APP: variants seen among roughly 807,000 people sequenced by gnomAD.
APP encodes the protein amyloid beta precursor protein, also known as amyloid-beta precursor protein.
Under a neutral mutation model 101.4 loss-of-function variants are expected in APP, and 31 were observed. The observed-to-expected ratio is 0.31, with a 90% CI of 0.23 to 0.41. APP has a LOEUF of 0.41. Among genes scored for constraint, APP ranks in the 10% least tolerant of loss-of-function variants. The pLI, the probability that APP is intolerant of heterozygous loss-of-function variation, is 1.00. For missense variants in APP, 839 were observed against 1,003.7 expected, an observed-to-expected ratio of 0.84 and a Z score of 2.22; for synonymous variants, 366 against 364.4, an observed-to-expected ratio of 1.00 and a Z score of -0.05.
chr21:25,891,659 G>C (rs1466224374), intron 17 of APP, 63 bp downstream of exon 17: 1 of 1,539,684 alleles, frequency 6.5e-7, no homozygotes, highest in African/African-American at 1.4e-5. Context: ...TTAGCAAAAA[G>C]CTAAGCCTAA....
intron 13 of APP, among the ~76,000 whole-genome samples, chr21:25,949,849 T>G (rs2040986887): frequency 6.6e-6 from 1 of 152,204 alleles, no homozygotes; most frequent in South Asian, 2.1e-4. Context: ...ACACAGATTT[T>G]GGACTTCTGG....
At chr21:26,127,962 A>C (rs1235775419) in intron 1 of APP, among the ~76,000 whole-genome samples, 4 of 152,230 alleles carry the variant, frequency 2.6e-5, no homozygotes, top group African/African-American at 9.6e-5. Flanking sequence ...ATCTCCTGCG[A>C]GCTATCCCTA....
intron 17 of APP, among the ~76,000 whole-genome samples, chr21:25,888,169 G>C (rs2037463257): frequency 6.6e-6 from 1 of 152,158 alleles, no homozygotes; most frequent in Admixed American, 6.5e-5. Context: ...TACTGAAGTA[G>C]GGTTACTGAT....
chr21:25,898,046 T>C (rs1240739661), intron 15 of APP: 2 of 259,818 alleles, frequency 7.7e-6, no homozygotes, highest in Non-Finnish European at 1.5e-5. Context: ...TGTGTCTTTT[T>C]CCATGTGCAC....
chr21:26,125,881 T>C (rs1220696360), intron 1 of APP, among the ~76,000 whole-genome samples: 2 of 152,238 alleles, frequency 1.3e-5, no homozygotes, highest in Non-Finnish European at 2.9e-5. Context: ...CAGAGCTGCC[T>C]ATGTGACCTG....
chr21:25,958,091 T>G (rs2041404159), intron 11 of APP, among the ~76,000 whole-genome samples: 1 of 152,196 alleles, frequency 6.6e-6, no homozygotes, highest in African/African-American at 2.4e-5. Flanking sequence ...TAAGATATTT[T>G]GTCCTAAAAG....
chr21:25,946,537 G>A (rs929584209), intron 13 of APP, among the ~76,000 whole-genome samples: 7 of 152,108 alleles, frequency 4.6e-5, no homozygotes, highest in Admixed American at 3.9e-4. Flanking sequence ...GTGGTGGCAT[G>A]TGCCTGTAAT....
At chr21:26,093,042 AT>A (rs1428034275) in intron 2 of APP, among the ~76,000 whole-genome samples, 2 of 152,198 alleles carry the variant, frequency 1.3e-5, no homozygotes, top group East Asian at 3.9e-4. Flanking sequence ...GGATCCTGCT[AT>A]TAATACTTCT....
chr21:26,170,832 C>A, upstream of APP: 1 of 507,750 alleles, frequency 2.0e-6, no homozygotes, highest in African/African-American at 2.0e-5. Flanking sequence ...GCCCACCCCG[C>A]TCGGCACCCG....
At chr21:26,041,391 A>G (rs1412178941) in intron 5 of APP, among the ~76,000 whole-genome samples, 1 of 152,236 alleles carries the variant, frequency 6.6e-6, no homozygotes, top group Non-Finnish European at 1.5e-5. Context: ...ACCAGTTAAA[A>G]TCATAAGAAT....
intron 1 of APP, among the ~76,000 whole-genome samples, chr21:26,133,830 C>T (rs2830078): frequency 0.093 from 14,121 of 152,172 alleles, 896 homozygotes; most frequent in Admixed American, 0.15. Context: ...CCGTATCAAA[C>T]CAATCAGAAC....
chr21:26,059,364 G>T (rs1239980812), intron 3 of APP, among the ~76,000 whole-genome samples: 1 of 152,146 alleles, frequency 6.6e-6, no homozygotes, highest in Non-Finnish European at 1.5e-5. Context: ...TCTCTCAAGA[G>T]GTAAAGATGA....
At chr21:26,108,093 C>T (rs966648858) in intron 2 of APP, among the ~76,000 whole-genome samples, 12 of 152,328 alleles carry the variant, frequency 7.9e-5, no homozygotes, top group Middle Eastern at 3.4e-3. Flanking sequence ...ATCTAAGACC[C>T]TTACAGCTCA....
intron 5 of APP, among the ~76,000 whole-genome samples, chr21:26,027,124 T>C (rs2044613890): frequency 6.6e-6 from 1 of 152,202 alleles, no homozygotes; most frequent in Non-Finnish European, 1.5e-5. Flanking sequence ...TTCTCATGGT[T>C]ATGTGAATAT....
At chr21:25,900,744 G>A (rs947116122) in intron 15 of APP, among the ~76,000 whole-genome samples, 13 of 152,068 alleles carry the variant, frequency 8.5e-5, no homozygotes, top group South Asian at 2.1e-4. Context: ...GCTCACACCT[G>A]TAATCCCAGC....
intron 13 of APP, chr21:25,945,572 T>C (rs1464874911): frequency 5.2e-6 from 1 of 192,210 alleles, no homozygotes; most frequent in African/African-American, 2.4e-5. Flanking sequence ...AACAGTGTGG[T>C]ACTACAGTAA....
chr21:26,022,065 C>T, intron 5 of APP, 23 bp from the exon 6 acceptor site: 6 of 1,611,082 alleles, frequency 3.7e-6, no homozygotes, highest in South Asian at 1.1e-5. Context: ...ACACAAATAA[C>T]AGAAAAAGTC....
chr21:26,053,860 A>T (rs1016518176), intron 3 of APP, among the ~76,000 whole-genome samples: 1 of 152,172 alleles, frequency 6.6e-6, no homozygotes, highest in African/African-American at 2.4e-5. Flanking sequence ...CACACATAAG[A>T]GAGAGAGAGT....
intron 8 of APP, among the ~76,000 whole-genome samples, chr21:25,991,424 C>A (rs1409067123): frequency 6.6e-6 from 1 of 152,180 alleles, no homozygotes; most frequent in Non-Finnish European, 1.5e-5. Context: ...GTCCCCCAGG[C>A]TGGAGTGCGA....
Sources: allele counts gnomAD v4.1 joint callset (sites outside exome capture counted in the v4.1 genomes callset), GRCh38; gene constraint gnomAD v4.1.1; transcripts MANE v1.5; gene names NCBI Gene and HGNC (gene_info 2026-07-23, HGNC 2026-07-21).